The following TUSC3 variants were observed in gnomAD, a reference collection of about 807,000 sequenced individuals.
TUSC3 encodes dolichyl-diphosphooligosaccharide--protein glycosyltransferase subunit TUSC3.
In TUSC3, 45 loss-of-function variants were observed where a neutral mutation model predicts 44.8. That is an observed-to-expected ratio of 1.00 (90% CI 0.79 to 1.29). The LOEUF (loss-of-function observed/expected upper bound fraction) is 1.29. Ranked by LOEUF, TUSC3 falls within the 50% of genes most tolerant of loss-of-function variation. The probability of loss-of-function intolerance (pLI) is 0.00; values close to 1 mark genes in which losing one functional copy is unlikely to be tolerated. For synonymous variants in TUSC3, 212 were observed against 152.9 expected, an observed-to-expected ratio of 1.39 and a Z score of -2.85; for missense variants, 519 against 437.9, an observed-to-expected ratio of 1.19 and a Z score of -1.65.
At chr8:15,692,258 A>T (rs117692497) in intron 6 of TUSC3, among the ~76,000 whole-genome samples, 1 of 150,792 alleles carries the variant, frequency 6.6e-6, no homozygotes, top group Non-Finnish European at 1.5e-5. Flanking sequence ...ATCCATGTTC[A>T]TAAAAAAATA....
chr8:15,553,307 T>A (rs1018408490), intron 1 of TUSC3, among the ~76,000 whole-genome samples: 4 of 151,558 alleles, frequency 2.6e-5, no homozygotes, highest in African/African-American at 7.3e-5. Flanking sequence ...CAGTAAAAAA[T>A]AGAGGACCTG....
At chr8:15,511,362 A>G (rs113774166) in intron 2 of TUSC3, among the ~76,000 whole-genome samples, 8 of 152,270 alleles carry the variant, frequency 5.3e-5, no homozygotes, top group African/African-American at 1.9e-4. Context: ...AGATGATATG[A>G]TTATGCATAT....
chr8:15,778,782 C>T, the TUSC3 span, among the ~76,000 whole-genome samples: 1 of 152,196 alleles, frequency 6.6e-6, no homozygotes, highest in Non-Finnish European at 1.5e-5. Context: ...CCAAAATTAA[C>T]ATCCTTAGGC....
chr8:15,764,193 T>C lies in TUSC3; in HGVS notation c.*47-10T>C. ...ATGTTCAGCACATAATAATTTTCTT[T>C]CTTTTTCAGCTTTTTAATTAAATGA... On this transcript the variant is annotated splice_polypyrimidine_tract_variant and intron_variant, in intron 10 of 10. Coordinates refer to ENST00000503731, the MANE Select transcript of TUSC3 (RefSeq NM_006765.4). The C allele has an allele frequency of 6.2e-7, 1 of 1,603,624 alleles. No homozygotes were observed. The highest frequency in any genetic ancestry group is 1.7e-4 in the Middle Eastern group (1 of 5,978).
chr8:15,607,131 C>T (rs1315931395), intron 1 of TUSC3, among the ~76,000 whole-genome samples: 1 of 152,026 alleles, frequency 6.6e-6, no homozygotes, highest in Non-Finnish European at 1.5e-5. Flanking sequence ...ATTTCTCCTG[C>T]CACAAATGGT....
intron 3 of TUSC3, among the ~76,000 whole-genome samples, chr8:15,655,991 CTGCTTAACCAT>C (rs1807145446): frequency 6.6e-6 from 1 of 152,126 alleles, no homozygotes; most frequent in African/African-American, 2.4e-5. Flanking sequence ...GAAGGGCTAA[CTGCTTAACCAT>C]TGTCTTAGTT....
intron 6 of TUSC3, among the ~76,000 whole-genome samples, chr8:15,728,888 C>G (rs1336997228): frequency 6.6e-6 from 1 of 151,904 alleles, no homozygotes; most frequent in Non-Finnish European, 1.5e-5. Flanking sequence ...AGATTGGGGT[C>G]CTGGAAGTCA....
chr8:15,500,976 A>G (rs2129126911), intron 2 of TUSC3, among the ~76,000 whole-genome samples: 1 of 152,314 alleles, frequency 6.6e-6, no homozygotes, highest in African/African-American at 2.4e-5. Context: ...AAGGTACAGA[A>G]AGTAACTCTT....
intron 1 of TUSC3, among the ~76,000 whole-genome samples, chr8:15,463,149 T>G (rs1317581388): frequency 6.6e-6 from 1 of 152,078 alleles, no homozygotes; most frequent in Non-Finnish European, 1.5e-5. Flanking sequence ...CCTGTTTTGA[T>G]CCGTAAAAAC....
intron 2 of TUSC3, among the ~76,000 whole-genome samples, chr8:15,527,201 G>A (rs1801384498): frequency 6.6e-6 from 1 of 152,076 alleles, no homozygotes; most frequent in African/African-American, 2.4e-5. Context: ...TCTTTTCTAT[G>A]TGCAGCTTGA....
the TUSC3 span, among the ~76,000 whole-genome samples, chr8:15,849,378 G>A: frequency 6.6e-6 from 1 of 152,050 alleles, no homozygotes; most frequent in Admixed American, 6.6e-5. Flanking sequence ...GATCACCCTG[G>A]AATTCATTTT....
intron 2 of TUSC3, among the ~76,000 whole-genome samples, chr8:15,487,806 A>T (rs1800753410): frequency 6.6e-6 from 1 of 152,020 alleles, no homozygotes; most frequent in South Asian, 2.1e-4. Flanking sequence ...ACTTCATTTG[A>T]CATCGTTGTT....
chr8:15,446,478 C>G (rs1252496182), intron 1 of TUSC3, among the ~76,000 whole-genome samples: 1 of 152,078 alleles, frequency 6.6e-6, no homozygotes, highest in Non-Finnish European at 1.5e-5. Context: ...GCAATCCCGG[C>G]ACCTCAGGAG....
chr8:15,642,288 T>C (rs924300839), intron 2 of TUSC3, among the ~76,000 whole-genome samples: 3 of 152,192 alleles, frequency 2.0e-5, no homozygotes, highest in Non-Finnish European at 4.4e-5. Flanking sequence ...TATTTAAGAA[T>C]AGTATGTGAA....
At chr8:15,732,777 G>C (rs1315335158) in intron 7 of TUSC3, among the ~76,000 whole-genome samples, 1 of 152,128 alleles carries the variant, frequency 6.6e-6, no homozygotes, top group Non-Finnish European at 1.5e-5. Flanking sequence ...TTATATTGCA[G>C]GAGAACGAAA....
At chr8:15,466,903 C>T (rs899931243) in intron 1 of TUSC3, among the ~76,000 whole-genome samples, 2 of 152,158 alleles carry the variant, frequency 1.3e-5, no homozygotes, top group South Asian at 2.1e-4. Context: ...TTGTTTCTTT[C>T]GTCCTTTTAT....
At chr8:15,492,216 G>A (rs924092478) in intron 2 of TUSC3, among the ~76,000 whole-genome samples, 1 of 151,974 alleles carries the variant, frequency 6.6e-6, no homozygotes, top group Non-Finnish European at 1.5e-5. Flanking sequence ...ATCTTACTTG[G>A]GTACGTTAAT....
chr8:15,503,205 A>C (rs1334746709), intron 2 of TUSC3, among the ~76,000 whole-genome samples: 1 of 152,174 alleles, frequency 6.6e-6, no homozygotes, highest in Non-Finnish European at 1.5e-5. Flanking sequence ...AGATGTGGAC[A>C]CAAATACATA....
the TUSC3 span, among the ~76,000 whole-genome samples, chr8:15,803,733 C>G: frequency 1.3e-5 from 2 of 152,126 alleles, no homozygotes; most frequent in African/African-American, 4.8e-5. Flanking sequence ...CCTGGCAGGC[C>G]CCAGTGGTGT....
Sources: gnomAD v4.1 joint callset for allele counts (sites outside exome capture counted in the v4.1 genomes callset) on GRCh38, gnomAD v4.1.1 for gene constraint, MANE v1.5 for transcripts, NCBI Gene and HGNC (gene_info 2026-07-23, HGNC 2026-07-21) for gene names.